XKR4: variants seen among roughly 807,000 people sequenced by gnomAD.
XKR4 encodes XK-related protein 4.
Under a neutral mutation model 53.9 loss-of-function variants are expected in XKR4, and 12 were observed. The observed-to-expected ratio is 0.22, with a 90% CI of 0.14 to 0.36. The LOEUF (loss-of-function observed/expected upper bound fraction) is 0.36. Among genes scored for constraint, XKR4 ranks in the 10% least tolerant of loss-of-function variants. The pLI is 1.00. For missense variants in XKR4, 799 were observed against 859.5 expected, an observed-to-expected ratio of 0.93 and a Z score of 0.88; for synonymous variants, 354 against 362.4, an observed-to-expected ratio of 0.98 and a Z score of 0.26.
At chr8:55,463,015 C>T (rs922492525) in intron 2 of XKR4, among the ~76,000 whole-genome samples, 17 of 152,182 alleles carry the variant, frequency 1.1e-4, no homozygotes, top group Non-Finnish European at 2.2e-4. Flanking sequence ...CACTCCCACA[C>T]TATAATAATG....
chr8:55,498,114 A>C (rs1806383317), intron 2 of XKR4, among the ~76,000 whole-genome samples: 1 of 152,158 alleles, frequency 6.6e-6, no homozygotes, highest in Non-Finnish European at 1.5e-5. Context: ...ATAATAAAAT[A>C]TCTCTGAATG....
chr8:55,345,199 C>T (rs1004620509), intron 1 of XKR4, among the ~76,000 whole-genome samples: 3 of 151,804 alleles, frequency 2.0e-5, no homozygotes, highest in Admixed American at 6.6e-5. Flanking sequence ...GAGGCTGAGG[C>T]AGGAGAATCA....
chr8:55,349,411 C>T (rs1188195926), intron 1 of XKR4, among the ~76,000 whole-genome samples: 6 of 152,136 alleles, frequency 3.9e-5, no homozygotes, highest in East Asian at 1.9e-4. Flanking sequence ...ATTGGGATAT[C>T]GGGGACCTTG....
chr8:55,127,510 C>T (rs1039806231), intron 1 of XKR4, among the ~76,000 whole-genome samples: 2 of 151,310 alleles, frequency 1.3e-5, no homozygotes, highest in African/African-American at 4.9e-5. Flanking sequence ...TCCTTGGCCT[C>T]CCAAAGTGCT....
At chr8:55,482,823 A>G (rs924556537) in intron 2 of XKR4, among the ~76,000 whole-genome samples, 2 of 152,146 alleles carry the variant, frequency 1.3e-5, no homozygotes, top group Non-Finnish European at 2.9e-5. Flanking sequence ...TTTATTTTTC[A>G]TTATTTAGCA....
chr8:55,118,650 A>T (rs1200876899), intron 1 of XKR4, among the ~76,000 whole-genome samples: 1 of 152,354 alleles, frequency 6.6e-6, no homozygotes. Flanking sequence ...TCTAAAAATC[A>T]AAAGAATTCC....
At chr8:55,338,892 A>G (rs1234857631) in intron 1 of XKR4, among the ~76,000 whole-genome samples, 2 of 152,250 alleles carry the variant, frequency 1.3e-5, no homozygotes, top group African/African-American at 4.8e-5. Flanking sequence ...TTAGGCCAGT[A>G]AGATTGCTCC....
chr8:55,299,741 G>A (rs932515610), intron 1 of XKR4, among the ~76,000 whole-genome samples: 7 of 152,134 alleles, frequency 4.6e-5, no homozygotes, highest in Non-Finnish European at 8.8e-5. Flanking sequence ...TGTTGTGTGC[G>A]CTGAATGTCA....
chr8:55,510,186 G>C (rs925968298), intron 2 of XKR4, among the ~76,000 whole-genome samples: 1 of 152,104 alleles, frequency 6.6e-6, no homozygotes, highest in Non-Finnish European at 1.5e-5. Context: ...AGGTGGCAGA[G>C]AGGATGGAAA....
chr8:55,512,280 G>C (rs1026657928), intron 2 of XKR4, among the ~76,000 whole-genome samples: 1 of 152,176 alleles, frequency 6.6e-6, no homozygotes, highest in Non-Finnish European at 1.5e-5. Flanking sequence ...GATCGTACAC[G>C]CACCTTGCCA....
intron 2 of XKR4, among the ~76,000 whole-genome samples, chr8:55,443,839 C>CAAAAAAA (rs1159375100): frequency 4.6e-5 from 1 of 21,640 alleles, no homozygotes; most frequent in Non-Finnish European, 8.3e-5. Context: ...AACTCCGTCT[C>CAAAAAAA]AAAAAAAAAA....
intron 2 of XKR4, among the ~76,000 whole-genome samples, chr8:55,497,790 G>T (rs964529897): frequency 1.3e-5 from 2 of 152,182 alleles, no homozygotes; most frequent in African/African-American, 4.8e-5. Flanking sequence ...CCACACAACA[G>T]CCTGGGATTC....
At chr8:55,377,689 A>G (rs1164025572) in intron 2 of XKR4, among the ~76,000 whole-genome samples, 2 of 152,192 alleles carry the variant, frequency 1.3e-5, no homozygotes. Context: ...AAACCCCAGA[A>G]CACCGTGAGT....
chr8:55,216,519 G>A (rs1385341883), intron 1 of XKR4, among the ~76,000 whole-genome samples: 1 of 152,118 alleles, frequency 6.6e-6, no homozygotes. Flanking sequence ...CCTGAGGTCA[G>A]GAGTTCGAGA....
chr8:55,511,264 A>G (rs775554349), intron 2 of XKR4, among the ~76,000 whole-genome samples: 2 of 152,196 alleles, frequency 1.3e-5, no homozygotes, highest in African/African-American at 2.4e-5. Context: ...CAAGATCCTT[A>G]GAGAAAGCTA....
intron 2 of XKR4, among the ~76,000 whole-genome samples, chr8:55,425,160 C>T (rs1804994019): frequency 6.6e-6 from 1 of 152,160 alleles, no homozygotes; most frequent in African/African-American, 2.4e-5. Context: ...GTCTTACAAC[C>T]TAGTGGCCTC....
chr8:55,129,698 T>A (rs149031098), intron 1 of XKR4, among the ~76,000 whole-genome samples: 28 of 152,274 alleles, frequency 1.8e-4, no homozygotes, highest in African/African-American at 6.5e-4. Context: ...TTACTTTTTC[T>A]TTAGGGCCTT....
intron 1 of XKR4, among the ~76,000 whole-genome samples, chr8:55,234,605 G>A (rs1818092630): frequency 6.6e-6 from 1 of 152,110 alleles, no homozygotes; most frequent in African/African-American, 2.4e-5. Context: ...CATCACTCCA[G>A]TAGTTATATA....
At chr8:55,298,665 C>T (rs1363284745) in intron 1 of XKR4, among the ~76,000 whole-genome samples, 1 of 152,160 alleles carries the variant, frequency 6.6e-6, no homozygotes, top group Non-Finnish European at 1.5e-5. Flanking sequence ...CACATTTCAA[C>T]ATGATATTTG....
Sources: allele counts gnomAD v4.1 joint callset (sites outside exome capture counted in the v4.1 genomes callset), GRCh38; gene constraint gnomAD v4.1.1; transcripts MANE v1.5; gene names NCBI Gene and HGNC (gene_info 2026-07-23, HGNC 2026-07-21).